SEMA3E: variants seen among roughly 807,000 people sequenced by gnomAD.
SEMA3E encodes the protein semaphorin 3E, also known as semaphorin-3E.
A neutral mutation model predicts 93.6 loss-of-function variants in SEMA3E; 49 were observed. The observed-to-expected ratio is 0.52, with a 90% CI of 0.42 to 0.66. The LOEUF is 0.66. SEMA3E is among the 30% of genes least tolerant of loss of function. SEMA3E has a pLI of 0.00. For synonymous variants in SEMA3E, 363 were observed against 330.7 expected (o/e 1.10, Z -1.06); for missense variants, 906 against 964.8 (o/e 0.94, Z 0.81).
intron 1 of SEMA3E, among the ~76,000 whole-genome samples, chr7:83,629,610 T>C (rs1323213113): frequency 6.6e-6 from 1 of 152,144 alleles, no homozygotes; most frequent in Non-Finnish European, 1.5e-5. Context: ...AACCGCCTAC[T>C]CAAGCCTCAG....
At chr7:83,460,429 T>C (rs922848497) in intron 4 of SEMA3E, among the ~76,000 whole-genome samples, 10 of 151,752 alleles carry the variant, frequency 6.6e-5, no homozygotes, top group African/African-American at 9.7e-5. Context: ...CCGGCACGGG[T>C]CATGGACTGG....
At chr7:83,458,019 T>G (rs1421429648) in intron 4 of SEMA3E, among the ~76,000 whole-genome samples, 1 of 151,950 alleles carries the variant, frequency 6.6e-6, no homozygotes, top group African/African-American at 2.4e-5. Context: ...TATCGGATGG[T>G]CACCAGTTTC....
intron 16 of SEMA3E, among the ~76,000 whole-genome samples, chr7:83,374,793 T>G: frequency 6.6e-6 from 1 of 152,064 alleles, no homozygotes; most frequent in East Asian, 1.9e-4. Context: ...AACAGATGCA[T>G]ATGGAGAAAC....
intron 7 of SEMA3E, among the ~76,000 whole-genome samples, chr7:83,406,411 A>G (rs1219123657): frequency 2.0e-5 from 3 of 151,946 alleles, no homozygotes; most frequent in Non-Finnish European, 2.9e-5. Context: ...TCTCAGGAAT[A>G]TAGAAACACC....
chr7:83,609,697 C>A (rs1793208095), intron 1 of SEMA3E, among the ~76,000 whole-genome samples: 1 of 151,856 alleles, frequency 6.6e-6, no homozygotes, highest in Non-Finnish European at 1.5e-5. Flanking sequence ...TCAACTATAT[C>A]TCATATAAAT....
Position 83,400,027 on chromosome 7 carries a change from C to A in SEMA3E, c.1366+1G>T. On this transcript the variant is annotated splice_donor_variant, in intron 11 of 16. Transcript: ENST00000643230. LOFTEE classifies it high-confidence loss of function. ...CTCTGAGTACTTTCTCGTCTCTTTA[C>A]CTGTCCCAATAAACAAGACGTCATA... 2 of 1,603,910 alleles carry A rather than the reference C, an allele frequency of 1.2e-6. No individual in the cohort carries two copies. The highest frequency in any genetic ancestry group is 1.7e-6 in the Non-Finnish European group (2 of 1,170,700).
At position 83,466,414 on chromosome 7, in the gene SEMA3E, GTCTT is replaced by G. The variant is rs1789756378; in HGVS notation, c.456+64_456+67del. On this transcript the variant is annotated intron_variant, in intron 4 of 16. Transcript: ENST00000643230. ...ATCTTTCTTGGGAAGAAATGCTGTA[GTCTT>G]TCTTTGAGAACAAGGTTGTTTTAAG... 11 of 1,565,924 alleles carry G rather than the reference GTCTT, an allele frequency of 7.0e-6. 1 individual carries two copies. The highest frequency in any genetic ancestry group is 1.7e-4 in the Middle Eastern group (1 of 5,996).
chr7:83,486,112 G>A (rs1790246589), intron 2 of SEMA3E, among the ~76,000 whole-genome samples: 1 of 151,956 alleles, frequency 6.6e-6, no homozygotes, highest in African/African-American at 2.4e-5. Context: ...TAAACTCCTG[G>A]GCTCAAGCAA....
intron 11 of SEMA3E, 85 bp downstream of exon 11, chr7:83,399,943 C>A: frequency 1.8e-6 from 2 of 1,087,790 alleles, no homozygotes; most frequent in South Asian, 2.5e-5. Flanking sequence ...ACAGATTTGT[C>A]GATAGGTGCT....
Position 83,648,503 on chromosome 7 carries a change from C to A in SEMA3E, c.40G>T (p.Gly14Cys). 6.2e-7 allele frequency: 1 copy of A among 1,613,292 alleles called. No homozygotes were observed. Among genetic ancestry groups the A allele is most frequent in the Non-Finnish European group, 8.5e-7 (1 of 1,179,844 alleles). Residue 14 changes from glycine to cysteine, a missense_variant, in exon 1 of 17, where the codon GGT becomes TGT. By Grantham distance (159) the Gly-to-Cys change is radical. Transcript: ENST00000643230. ...CCTGTCCAAAGCTCCAGTAAGTAAC[C>A]CCACAGGAGCAAGGTGATAATGTGC... Reference protein sequence around the residue: ...AGHIITLLLWGYLLELWTGGH... With the variant: ...AGHIITLLLWCYLLELWTGGH...
intron 1 of SEMA3E, among the ~76,000 whole-genome samples, chr7:83,621,142 C>G (rs1427762868): frequency 6.6e-6 from 1 of 152,152 alleles, no homozygotes; most frequent in East Asian, 1.9e-4. Flanking sequence ...GCAACTTCAG[C>G]AAAGTTTCAG....
At chr7:83,581,212 A>G (rs1395286613) in intron 1 of SEMA3E, among the ~76,000 whole-genome samples, 1 of 152,046 alleles carries the variant, frequency 6.6e-6, no homozygotes, top group African/African-American at 2.4e-5. Flanking sequence ...GTCTTTAAAA[A>G]TAAAACTCAA....
intron 1 of SEMA3E, among the ~76,000 whole-genome samples, chr7:83,615,865 A>G (rs1299369317): frequency 6.6e-6 from 1 of 152,134 alleles, no homozygotes; most frequent in Non-Finnish European, 1.5e-5. Flanking sequence ...CGAAATACCA[A>G]GGGCTGTTGT....
chr7:83,615,867 G>A (rs1003724144), intron 1 of SEMA3E, among the ~76,000 whole-genome samples: 1 of 151,976 alleles, frequency 6.6e-6, no homozygotes, highest in Non-Finnish European at 1.5e-5. Context: ...AAATACCAAG[G>A]GCTGTTGTGG....
At chr7:83,408,122 A>C (rs1328850300) in intron 6 of SEMA3E, among the ~76,000 whole-genome samples, 1 of 152,162 alleles carries the variant, frequency 6.6e-6, no homozygotes, top group Non-Finnish European at 1.5e-5. Context: ...TCCTTATTCA[A>C]ATACTGATTT....
At chr7:83,402,481 T>C (rs1390798465) in intron 10 of SEMA3E, 151 bp downstream of exon 10, 1 of 650,942 alleles carries the variant, frequency 1.5e-6, no homozygotes, top group East Asian at 2.8e-5. Flanking sequence ...TTTGAAGGAA[T>C]ATTTTTTTAC....
intron 1 of SEMA3E, among the ~76,000 whole-genome samples, chr7:83,580,237 G>T (rs1345876174): frequency 6.6e-6 from 1 of 151,914 alleles, no homozygotes; most frequent in African/African-American, 2.4e-5. Flanking sequence ...CTTTTAAAAT[G>T]TTTGGATTGC....
intron 1 of SEMA3E, among the ~76,000 whole-genome samples, chr7:83,570,652 G>A (rs948165120): frequency 6.7e-6 from 1 of 149,872 alleles, no homozygotes; most frequent in Admixed American, 6.6e-5. Context: ...CAAGCCCGAA[G>A]TTAGCAGAAG....
intron 1 of SEMA3E, among the ~76,000 whole-genome samples, chr7:83,523,632 T>C (rs1019292159): frequency 6.6e-6 from 1 of 152,068 alleles, no homozygotes; most frequent in Non-Finnish European, 1.5e-5. Flanking sequence ...CTTTCTTGTG[T>C]GTTCTCCCTC....
Sources: gnomAD v4.1 joint callset for allele counts (sites outside exome capture counted in the v4.1 genomes callset) on GRCh38, gnomAD v4.1.1 for gene constraint, MANE v1.5 for transcripts, NCBI Gene and HGNC (gene_info 2026-07-23, HGNC 2026-07-21) for gene names.